WDFY4: variants seen among roughly 807,000 people sequenced by gnomAD.
WDFY4 encodes the protein WDFY family member 4.
Under a neutral mutation model 351.9 loss-of-function variants are expected in WDFY4, and 169 were observed. That is an observed-to-expected ratio of 0.48 (90% CI 0.42 to 0.55). The LOEUF is 0.55. WDFY4 is among the 20% of genes least tolerant of loss of function. The probability of loss-of-function intolerance (pLI) is 0.00; values close to 1 mark genes in which losing one functional copy is unlikely to be tolerated. For synonymous variants in WDFY4, 1,622 were observed against 1,574.6 expected (o/e 1.03, Z -0.71); for missense variants, 3,803 against 3,935.6 (o/e 0.97, Z 0.90).
intron 39 of WDFY4, among the ~76,000 whole-genome samples, chr10:48,858,999 T>C (rs930815314): frequency 2.6e-5 from 4 of 152,190 alleles, no homozygotes; most frequent in African/African-American, 9.6e-5. Context: ...AGCATCCATG[T>C]GTTCATTGCT....
chr10:48,705,029 GGTCTAAACCCACTGT>G (rs1447023115), intron 1 of WDFY4, among the ~76,000 whole-genome samples: 1 of 152,196 alleles, frequency 6.6e-6, no homozygotes, highest in Non-Finnish European at 1.5e-5. Context: ...CTTGCCACTT[GGTCTAAACCCACTGT>G]GTTCAAACCC....
chr10:48,795,300 C>T (rs1477186085), intron 23 of WDFY4, among the ~76,000 whole-genome samples: 2 of 151,640 alleles, frequency 1.3e-5, no homozygotes, highest in African/African-American at 2.4e-5. Context: ...GCAATGAAAC[C>T]ATGATCTTTA....
At chr10:48,879,883 C>T (rs543571124) in intron 43 of WDFY4, among the ~76,000 whole-genome samples, 4 of 152,296 alleles carry the variant, frequency 2.6e-5, no homozygotes, top group African/African-American at 7.2e-5. Flanking sequence ...CTCTGCCTCC[C>T]GCTCCCCCAA....
chr10:48,896,729 C>G (rs1442316824), intron 44 of WDFY4, among the ~76,000 whole-genome samples: 1 of 152,170 alleles, frequency 6.6e-6, no homozygotes, highest in Non-Finnish European at 1.5e-5. Context: ...AGTCACCTGA[C>G]TTCCCTCAAA....
chr10:48,778,483 C>A, intron 17 of WDFY4, 128 bp from the exon 18 acceptor site: 2 of 916,096 alleles, frequency 2.2e-6, no homozygotes, highest in Non-Finnish European at 3.3e-6. Flanking sequence ...GGGGAGGAGA[C>A]AACTGGTGAT....
chr10:48,729,659 TCTC>T (rs2064388507), intron 8 of WDFY4, 70 bp downstream of exon 8: 1 of 1,510,754 alleles, frequency 6.6e-7, no homozygotes, highest in Non-Finnish European at 8.9e-7. Flanking sequence ...CAGAGGGTCT[TCTC>T]CTGATTCTTT....
intron 47 of WDFY4, among the ~76,000 whole-genome samples, chr10:48,903,506 T>C (rs1301580880): frequency 6.6e-6 from 1 of 152,200 alleles, no homozygotes; most frequent in African/African-American, 2.4e-5. Context: ...GATAATATGA[T>C]GTGATCAGAT....
At chr10:48,809,114 A>G (rs765834813) in intron 28 of WDFY4, among the ~76,000 whole-genome samples, 29 of 152,128 alleles carry the variant, frequency 1.9e-4, no homozygotes, top group Non-Finnish European at 2.9e-4. Flanking sequence ...GCTAATTGCT[A>G]TTATGGCCAT....
chr10:48,959,232 C>G (rs2133830068), intron 52 of WDFY4, among the ~76,000 whole-genome samples: 1 of 152,286 alleles, frequency 6.6e-6, no homozygotes, highest in Non-Finnish European at 1.5e-5. Flanking sequence ...CTGTCCTCGC[C>G]TTAAAAACGG....
At chr10:48,778,986 A>G (rs949838800) in intron 18 of WDFY4, among the ~76,000 whole-genome samples, 154 bp downstream of exon 18, 5 of 152,166 alleles carry the variant, frequency 3.3e-5, no homozygotes, top group African/African-American at 4.8e-5. Context: ...ACCTGGTGAA[A>G]GGTCTACAAT....
rs1468438086 is a variant in WDFY4 at position 48,767,787 on chromosome 10, T to C, written c.2554-6671T>C. ...CCTAGCAGGTTTAGGGCAAGGTCAG[T>C]AATAGTCCCAAGTGAAGTGAGGACA... On this transcript the variant is annotated intron_variant, in intron 13 of 61. Transcript: ENST00000325239. Among the ~76,000 whole-genome samples the C allele has an allele frequency of 1.4e-4, 22 of 152,168 alleles. 1 individual carries two copies. The highest frequency in any genetic ancestry group is 1.4e-3 in the Admixed American group (22 of 15,274).
At chr10:48,792,698 G>A (rs1273080853) in intron 23 of WDFY4, among the ~76,000 whole-genome samples, 7 of 152,192 alleles carry the variant, frequency 4.6e-5, no homozygotes, top group South Asian at 4.2e-4. Flanking sequence ...AATAAAATAA[G>A]AACCAAAATA....
intron 35 of WDFY4, chr10:48,823,051 C>A (rs190785964): frequency 9.6e-7 from 1 of 1,038,830 alleles, no homozygotes. Flanking sequence ...TAGTTACATA[C>A]CTACCTGTAC....
chr10:48,756,914 C>G (rs1412897259), intron 12 of WDFY4, among the ~76,000 whole-genome samples: 1 of 151,954 alleles, frequency 6.6e-6, no homozygotes, highest in African/African-American at 2.4e-5. Flanking sequence ...CTGTGTTTTT[C>G]TGTTTTCAAT....
chr10:48,753,339 T>C (rs2065240111), intron 12 of WDFY4, among the ~76,000 whole-genome samples: 1 of 152,190 alleles, frequency 6.6e-6, no homozygotes, highest in Non-Finnish European at 1.5e-5. Context: ...TTCTTAATAA[T>C]GTCCTTTGAT....
intron 39 of WDFY4, among the ~76,000 whole-genome samples, chr10:48,855,597 T>G (rs2069106496): frequency 6.6e-6 from 1 of 152,102 alleles, no homozygotes; most frequent in Non-Finnish European, 1.5e-5. Context: ...ATATTTTATC[T>G]ATTCATAGTT....
Position 48,803,250 on chromosome 10 carries a change from C to G in WDFY4, c.4411-36C>G, listed in dbSNP as rs1030598795. ...TCCTGCAAATCATTCTTCTCCCACACCTTCATTTTAGCATGTGTTTTGTTT... is the reference window on the plus strand; with the variant it reads ...TCCTGCAAATCATTCTTCTCCCACAGCTTCATTTTAGCATGTGTTTTGTTT... On this transcript the variant is annotated intron_variant, in intron 24 of 61. Coordinates refer to ENST00000325239, the MANE Select transcript of WDFY4 (RefSeq NM_001394531.1). 3 of 1,547,462 alleles carry G rather than the reference C, an allele frequency of 1.9e-6. No homozygotes were observed. The African/African-American group carries it at 4.1e-5, about 21-fold the overall frequency.
chr10:48,937,050 C>A (rs535632610), intron 47 of WDFY4, among the ~76,000 whole-genome samples: 4 of 151,694 alleles, frequency 2.6e-5, no homozygotes, highest in Non-Finnish European at 5.9e-5. Flanking sequence ...CCCACCACCA[C>A]GCCTGGCTAA....
chr10:48,788,611 T>A lies in WDFY4; in HGVS notation c.3890T>A (p.Ile1297Asn). The A allele has an allele frequency of 6.4e-7, 1 of 1,551,810 alleles. No homozygotes were observed. The highest frequency in any genetic ancestry group is 8.7e-7 in the Non-Finnish European group (1 of 1,147,016). ...SFGLHIASSS[I>N]TSVADIRNAY... is the part of the protein sequence containing the mutation. Reference sequence around the variant, plus strand: ...GGACTTCACATAGCCAGCTCCTCTATCACCAGTGTAGCGGACATCAGAAAT... The same window carrying A: ...GGACTTCACATAGCCAGCTCCTCTAACACCAGTGTAGCGGACATCAGAAAT... Residue 1297 changes from isoleucine (I) to asparagine (N), a missense_variant, in exon 21 of 62, where the codon ATC becomes AAC. By Grantham distance (149) the Ile-to-Asn change is moderately radical (BLOSUM62 -3). Coordinates refer to ENST00000325239, the MANE Select transcript of WDFY4 (RefSeq NM_001394531.1).
Sources: gnomAD v4.1 joint callset for allele counts (sites outside exome capture counted in the v4.1 genomes callset) on GRCh38, gnomAD v4.1.1 for gene constraint, MANE v1.5 for transcripts, NCBI Gene and HGNC (gene_info 2026-07-23, HGNC 2026-07-21) for gene names.